Variants in KCNH7 observed in about 807,000 individuals in gnomAD.
KCNH7 encodes the protein potassium voltage-gated channel subfamily H member 7.
KCNH7 carries 49 observed loss-of-function variants against 120.8 expected under a neutral mutation model. That is an observed-to-expected ratio of 0.41 (90% CI 0.32 to 0.51). The LOEUF is 0.51. KCNH7 is among the 20% of genes least tolerant of loss of function. The probability of loss-of-function intolerance (pLI) is 0.38; values close to 1 mark genes in which losing one functional copy is unlikely to be tolerated. For synonymous variants in KCNH7, 547 were observed against 516.1 expected (o/e 1.06, Z -0.81); for missense variants, 1,097 against 1,446.6 (o/e 0.76, Z 3.92).
chr2:162,562,528 A>G (rs1264981287), intron 2 of KCNH7, among the ~76,000 whole-genome samples: 5 of 152,098 alleles, frequency 3.3e-5, no homozygotes, highest in African/African-American at 9.7e-5. Flanking sequence ...AAAGTATAAG[A>G]GAGTAGATAT....
chr2:162,625,229 CA>C (rs1199922500), intron 2 of KCNH7, among the ~76,000 whole-genome samples: 1 of 152,046 alleles, frequency 6.6e-6, no homozygotes, highest in Non-Finnish European at 1.5e-5. Context: ...TCTCTAAGTT[CA>C]AATCATGGCT....
chr2:162,638,132 T>C (rs575087348), intron 2 of KCNH7, among the ~76,000 whole-genome samples: 1 of 152,140 alleles, frequency 6.6e-6, no homozygotes, highest in Non-Finnish European at 1.5e-5. Context: ...GATCTGGAGG[T>C]ACTCCTTGGA....
chr2:162,581,025 C>T (rs114336076), intron 2 of KCNH7, among the ~76,000 whole-genome samples: 1,772 of 152,032 alleles, frequency 0.012, 20 homozygotes, highest in South Asian at 0.037. Flanking sequence ...ATTGCTTTGC[C>T]GTAATTAAAA....
chr2:162,738,099 A>G (rs566106362), intron 2 of KCNH7, among the ~76,000 whole-genome samples: 5 of 151,962 alleles, frequency 3.3e-5, no homozygotes, highest in South Asian at 2.1e-4. Flanking sequence ...AAAGTTGTGA[A>G]AAAAGAACAG....
intron 6 of KCNH7, among the ~76,000 whole-genome samples, chr2:162,485,871 T>A (rs1013618911): frequency 6.6e-6 from 1 of 152,184 alleles, no homozygotes; most frequent in Non-Finnish European, 1.5e-5. Flanking sequence ...AAGAGCAGTA[T>A]AGAGCAATAT....
chr2:162,798,239 G>A lies in KCNH7; in HGVS notation c.307+38298C>T, dbSNP rs186967921. Among the ~76,000 whole-genome samples the A allele has an allele frequency of 1.2e-3, 181 of 152,072 alleles. 2 individuals carry two copies. The highest frequency in any genetic ancestry group is 4.0e-3 in the African/African-American group (167 of 41,500). ...TATTTTAAGAAAACGAAAGTAGTTT[G>A]CCCTAAGGCTTTTTAAAATTTACAT... On this transcript the variant is annotated intron_variant, in intron 2 of 15. Transcript: ENST00000332142.
chr2:162,514,768 A>G (rs1024530335), intron 4 of KCNH7, among the ~76,000 whole-genome samples: 1 of 151,844 alleles, frequency 6.6e-6, no homozygotes, highest in Non-Finnish European at 1.5e-5. Context: ...TCTTCATCAA[A>G]GATGGTTTGA....
intron 2 of KCNH7, among the ~76,000 whole-genome samples, chr2:162,770,049 T>G (rs1261217186): frequency 6.6e-6 from 1 of 152,090 alleles, no homozygotes; most frequent in Admixed American, 6.6e-5. Flanking sequence ...AAATTTTTAG[T>G]AACATTAATG....
chr2:162,458,030 A>G (rs1406786782), intron 6 of KCNH7, among the ~76,000 whole-genome samples: 3 of 152,090 alleles, frequency 2.0e-5, no homozygotes, highest in African/African-American at 7.2e-5. Flanking sequence ...AAAATTAGGT[A>G]GTAGAATCAC....
intron 5 of KCNH7, among the ~76,000 whole-genome samples, chr2:162,507,239 T>C (rs886868785): frequency 3.3e-5 from 5 of 151,722 alleles, no homozygotes; most frequent in African/African-American, 9.7e-5. Flanking sequence ...GGAGCTGTTA[T>C]TTGCAAATAT....
chr2:162,569,850 T>G (rs1480057964), intron 2 of KCNH7, among the ~76,000 whole-genome samples: 1 of 120,166 alleles, frequency 8.3e-6, no homozygotes, highest in Non-Finnish European at 1.7e-5. Flanking sequence ...TTGAGTGAGA[T>G]TCTTAATCCT....
chr2:162,741,707 G>A (rs1688143765), intron 2 of KCNH7, among the ~76,000 whole-genome samples: 3 of 151,802 alleles, frequency 2.0e-5, no homozygotes. Context: ...TAAACATAAT[G>A]GTATTTTATG....
intron 9 of KCNH7, among the ~76,000 whole-genome samples, chr2:162,409,281 A>G (rs1687318913): frequency 6.6e-6 from 1 of 151,822 alleles, no homozygotes; most frequent in African/African-American, 2.4e-5. Context: ...ATATTATTTT[A>G]TAAAAGAAGC....
At chr2:162,578,673 C>T (rs924902905) in intron 2 of KCNH7, among the ~76,000 whole-genome samples, 2 of 152,016 alleles carry the variant, frequency 1.3e-5, no homozygotes, top group African/African-American at 4.8e-5. Flanking sequence ...GAAGGTGGCA[C>T]TTGGAGAGAT....
rs918278123 is a variant in KCNH7, at chr2:162,371,853, A to G, written c.3567T>C (p.Ser1189=). ...VGIVGLHRHV[S]DPGLPGK ...ATTATTTCCCTGGAAGACCAGGATC[A>G]GAAACATGCCTATGAAGACCCACGA... Residue 1189 remains serine (S), a synonymous_variant, in exon 16 of 16, where the codon TCT becomes TCC. Transcript: ENST00000332142. 66 of 1,610,036 alleles carry G rather than the reference A, an allele frequency of 4.1e-5. No individual in the cohort carries two copies. The highest frequency in any genetic ancestry group is 5.4e-5 in the Non-Finnish European group (64 of 1,176,654).
At chr2:162,790,170 G>A (rs1405210644) in intron 2 of KCNH7, among the ~76,000 whole-genome samples, 1 of 150,798 alleles carries the variant, frequency 6.6e-6, no homozygotes, top group African/African-American at 2.4e-5. Flanking sequence ...GATATCACAG[G>A]AATATAAAGA....
At chr2:162,640,969 C>T (rs1310954681) in intron 2 of KCNH7, among the ~76,000 whole-genome samples, 2 of 151,848 alleles carry the variant, frequency 1.3e-5, no homozygotes, top group Admixed American at 6.6e-5. Context: ...AAATTAAAAC[C>T]AAAATGAGAT....
chr2:162,806,783 A>G (rs1371649159), intron 2 of KCNH7, among the ~76,000 whole-genome samples: 1 of 152,188 alleles, frequency 6.6e-6, no homozygotes, highest in Non-Finnish European at 1.5e-5. Flanking sequence ...GAAGTTGTGG[A>G]ATTAAGGAGT....
chr2:162,562,712 G>T (rs1247002826), intron 2 of KCNH7, among the ~76,000 whole-genome samples: 2 of 152,152 alleles, frequency 1.3e-5, no homozygotes, highest in African/African-American at 4.8e-5. Flanking sequence ...GAAGCAGCTT[G>T]CCAGTCAATA....
Sources: gnomAD v4.1 joint callset for allele counts (sites outside exome capture counted in the v4.1 genomes callset) on GRCh38, gnomAD v4.1.1 for gene constraint, MANE v1.5 for transcripts, NCBI Gene and HGNC (gene_info 2026-07-23, HGNC 2026-07-21) for gene names.